Variants in ATP2C2 observed in about 807,000 individuals in gnomAD.
ATP2C2 encodes the protein ATPase secretory pathway Ca2+ transporting 2.
In ATP2C2, 171 loss-of-function variants were observed where a neutral mutation model predicts 110.8. That is an observed-to-expected ratio of 1.54 (90% CI 1.36 to 1.75). The LOEUF (loss-of-function observed/expected upper bound fraction) is 1.75, where lower values mean the gene tolerates loss of function less well. Ranked by LOEUF, ATP2C2 falls within the 40% of genes most tolerant of loss-of-function variation. The probability of loss-of-function intolerance (pLI) is 0.00; values close to 1 mark genes in which losing one functional copy is unlikely to be tolerated. For synonymous variants in ATP2C2, 804 were observed against 508.4 expected, an observed-to-expected ratio of 1.58 and a Z score of -7.82; for missense variants, 1,963 against 1,235.0, an observed-to-expected ratio of 1.59 and a Z score of -8.84.
intron 7 of ATP2C2, among the ~76,000 whole-genome samples, chr16:84,419,114 C>T (rs571412543): frequency 1.4e-5 from 2 of 144,634 alleles, no homozygotes; most frequent in African/African-American, 5.1e-5. Context: ...GAGACTGAGG[C>T]AGGAGAATTG....
Position 84,463,803 on chromosome 16 carries a change from CT to C in ATP2C2, c.*72del. Reference sequence around the variant, plus strand: ...GTGACTGTGGCCCCTGCCGTGTCTCCTCGTCAGGGGAGACTTTTAGGAGGCC... The same window carrying C: ...GTGACTGTGGCCCCTGCCGTGTCTCCCGTCAGGGGAGACTTTTAGGAGGCC... On this transcript the variant is annotated 3_prime_UTR_variant, in exon 27 of 27. Coordinates refer to ENST00000262429, the MANE Select transcript of ATP2C2 (RefSeq NM_014861.4). The C allele has an allele frequency of 5.8e-6, 8 of 1,370,262 alleles. No individual in the cohort carries two copies. Among genetic ancestry groups the C allele is most frequent in the Non-Finnish European group, 8.3e-6 (8 of 962,096 alleles). The allele number at this position is 1,370,262 out of a possible 1,614,324, so 84.9% of individuals were successfully genotyped here. A position where few individuals can be genotyped will look rare whatever the true frequency, so the allele number is the denominator to read the frequency against.
intron 1 of ATP2C2, among the ~76,000 whole-genome samples, 196 bp downstream of exon 1, chr16:84,368,910 C>T (rs1449823003): frequency 6.6e-6 from 1 of 152,212 alleles, no homozygotes; most frequent in Non-Finnish European, 1.5e-5. Context: ...AGCATGGAAC[C>T]CTCACGTGAA....
chr16:84,399,670 T>G (rs927435250), intron 2 of ATP2C2, among the ~76,000 whole-genome samples: 5 of 152,186 alleles, frequency 3.3e-5, no homozygotes, highest in South Asian at 2.1e-4. Context: ...ATTTATGGGT[T>G]CCAGAGATAC....
intron 1 of ATP2C2, among the ~76,000 whole-genome samples, chr16:84,372,039 A>G (rs1329264417): frequency 1.3e-5 from 2 of 152,184 alleles, no homozygotes; most frequent in Non-Finnish European, 2.9e-5. Context: ...AGCTGGATGA[A>G]GGGCAGGGAT....
At chr16:84,404,919 T>G in intron 2 of ATP2C2, 1 of 674,048 alleles carries the variant, frequency 1.5e-6, no homozygotes. Context: ...TTTTCTGCTG[T>G]AATTATAATG....
chr16:84,422,107 A>G (rs1454568028), intron 7 of ATP2C2, among the ~76,000 whole-genome samples: 1 of 152,150 alleles, frequency 6.6e-6, no homozygotes, highest in African/African-American at 2.4e-5. Flanking sequence ...TTTGAAAGGT[A>G]TATCCTAAAA....
chr16:84,412,502 ATGTGTCTGTG>A (rs749986367), intron 6 of ATP2C2, among the ~76,000 whole-genome samples: 96 of 115,876 alleles, frequency 8.3e-4, no homozygotes, highest in East Asian at 2.9e-3. Flanking sequence ...ATGTGTGTAT[ATGTGTCTGTG>A]TGTGTCTGTG....
Position 84,443,658 on chromosome 16 carries a change from C to T in ATP2C2, c.1401+1059C>T, listed in dbSNP as rs34462738. ...ACCTCTCCTCATCCCGGGCTCACTT[C>T]ACTGCCTTGTATTTTCAGCTTACCT... On this transcript the variant is annotated intron_variant, in intron 15 of 26. Transcript: ENST00000262429. Among the ~76,000 whole-genome samples the T allele has an allele frequency of 1.8e-3, 268 of 152,328 alleles. 2 individuals are homozygous for T. The highest frequency in any genetic ancestry group is 5.9e-3 in the Admixed American group (91 of 15,314).
Position 84,440,976 on chromosome 16 carries a change from C to T in ATP2C2, c.1311+18C>T. The T allele has an allele frequency of 6.3e-7, 1 of 1,587,064 alleles. No individual in the cohort carries two copies. Among genetic ancestry groups the T allele is most frequent in the Admixed American group, 1.7e-5 (1 of 58,602 alleles). On this transcript the variant is annotated intron_variant, in intron 14 of 26. Transcript: ENST00000262429. ...TAGTGGAGGTAGGTGTCAAAAGCGC[C>T]ATGAGGGAAATAGGCATTTACATTG...
rs552600432 is a variant in ATP2C2 at position 84,453,344 on chromosome 16, C to G, written c.1953C>G (p.Ser651Arg). ...AGGTGTCCGTGTTCTTCAGGACCAG[C>G]CCAAAGCACAAGCTCAAAATCATCA... ...VGKVSVFFRT[S>R]PKHKLKIIKA... is the part of the protein sequence containing the mutation. The change falls in exon 20 of 27, where the codon AGC becomes AGG. Residue 651 changes from serine to arginine, a missense_variant. Coordinates refer to ENST00000262429, the MANE Select transcript of ATP2C2 (RefSeq NM_014861.4). 9.9e-6 allele frequency: 16 copies of G among 1,614,142 alleles called. No homozygotes were observed. Among genetic ancestry groups the G allele is most frequent in the Non-Finnish European group, 1.3e-5 (15 of 1,180,018 alleles).
intron 11 of ATP2C2, among the ~76,000 whole-genome samples, chr16:84,438,055 C>T (rs1036479044): frequency 6.6e-6 from 1 of 152,232 alleles, no homozygotes; most frequent in Non-Finnish European, 1.5e-5. Context: ...TGTGCCAGTG[C>T]CTTGTTCCTT....
rs146656709 is a variant in ATP2C2, at chr16:84,439,503, G to A, written c.1188G>A (p.Thr396=). 7.6e-5 allele frequency: 122 copies of A among 1,614,176 alleles called. 1 individual carries two copies. The African/African-American group carries it at 1.0e-3, about 14-fold the overall frequency. ...ANEMTVTQLV[T]SDGLRAEVSG... is the part of the protein sequence containing the mutation. ...AAATGACAGTGACCCAGCTTGTAAC[G>A]TCAGATGGGCTTCGTGCCGAGGTGA... is the stretch of plus-strand genomic sequence containing the variant. Residue 396 remains threonine, a synonymous_variant, in exon 13 of 27, where the codon ACG becomes ACA. Transcript: ENST00000262429.
chr16:84,410,608 G>A lies in ATP2C2; in HGVS notation c.453+5G>A, dbSNP rs755963571. On this transcript the variant is annotated splice_donor_5th_base_variant and intron_variant, in intron 5 of 26. Transcript: ENST00000262429. ...GTCACTGTCGCCTTCATCCAGGTGA[G>A]TATTTCCTGAGGTCCCAGTCAGGGT... The A allele has an allele frequency of 6.2e-7, 1 of 1,614,134 alleles. No homozygotes were observed. The highest frequency in any genetic ancestry group is 8.5e-7 in the Non-Finnish European group (1 of 1,180,010).
At chr16:84,458,485 T>TA (rs1421864542) in intron 21 of ATP2C2, among the ~76,000 whole-genome samples, 13 of 51,290 alleles carry the variant, frequency 2.5e-4, no homozygotes, top group African/African-American at 5.4e-4. Flanking sequence ...CCCTAAAACT[T>TA]AGAGTATAAT....
At chr16:84,448,761 G>GGGTCCCTAGTCAAGGAGGTCACC in intron 17 of ATP2C2, 72 bp downstream of exon 17, 1 of 1,535,418 alleles carries the variant, frequency 6.5e-7, no homozygotes, top group African/African-American at 1.4e-5. Flanking sequence ...CATTCAAGCA[G>GGGTCCCTAGTCAAGGAGGTCACC]GGTCCCTAGT....
At chr16:84,448,810 T>G in intron 17 of ATP2C2, 121 bp downstream of exon 17, 1 of 1,348,154 alleles carries the variant, frequency 7.4e-7, no homozygotes, top group East Asian at 2.4e-5. Context: ...GGCAGCATGC[T>G]GACGGCAATA....
chr16:84,449,132 C>G (rs1407089876), intron 17 of ATP2C2, among the ~76,000 whole-genome samples: 3 of 152,212 alleles, frequency 2.0e-5, no homozygotes, highest in Non-Finnish European at 2.9e-5. Context: ...TCACATTTCC[C>G]TTGGTGTCAT....
intron 21 of ATP2C2, 124 bp from the exon 22 acceptor site, chr16:84,458,996 C>G (rs992899637): frequency 2.8e-6 from 3 of 1,055,124 alleles, no homozygotes; most frequent in Non-Finnish European, 4.3e-6. Context: ...GCAAGGGGAA[C>G]CAGCAGGGGC....
At chr16:84,428,907 C>G (rs538106901) in intron 11 of ATP2C2, among the ~76,000 whole-genome samples, 1 of 152,308 alleles carries the variant, frequency 6.6e-6, no homozygotes, top group African/African-American at 2.4e-5. Context: ...CTGTTTGGAA[C>G]CATGAAAATG....
Sources: allele counts gnomAD v4.1 joint callset (sites outside exome capture counted in the v4.1 genomes callset), GRCh38; gene constraint gnomAD v4.1.1; transcripts MANE v1.5; gene names NCBI Gene and HGNC (gene_info 2026-07-23, HGNC 2026-07-21).